Variants in NUFIP2 observed in about 807,000 individuals in gnomAD.
NUFIP2 encodes nuclear FMR1 interacting protein 2, also known as FMR1-interacting protein NUFIP2.
In NUFIP2, 6 loss-of-function variants were observed where a neutral mutation model predicts 56.9. That is an observed-to-expected ratio of 0.11 (90% CI 0.06 to 0.21). The LOEUF (loss-of-function observed/expected upper bound fraction) is 0.21. Ranked by LOEUF, NUFIP2 falls within the 10% of genes least tolerant of loss-of-function variation. The probability of loss-of-function intolerance (pLI) is 1.00; values close to 1 mark genes in which losing one functional copy is unlikely to be tolerated. For synonymous variants in NUFIP2, 321 were observed against 298.2 expected (o/e 1.08, Z -0.79); for missense variants, 828 against 826.8 (o/e 1.00, Z -0.02).
intron 2 of NUFIP2, among the ~76,000 whole-genome samples, chr17:29,272,751 C>T (rs2069082797): frequency 6.6e-6 from 1 of 151,690 alleles, no homozygotes; most frequent in Non-Finnish European, 1.5e-5. Context: ...CCTTTTTGAA[C>T]ATCATGTCAG....
intron 2 of NUFIP2, among the ~76,000 whole-genome samples, chr17:29,284,583 G>A (rs2069159990): frequency 6.6e-6 from 1 of 151,498 alleles, no homozygotes; most frequent in Non-Finnish European, 1.5e-5. Flanking sequence ...GTGGGCACCT[G>A]TAATCCCAGC....
chr17:29,289,344 G>A (rs1263026742), intron 1 of NUFIP2, among the ~76,000 whole-genome samples: 2 of 152,178 alleles, frequency 1.3e-5, no homozygotes, highest in Non-Finnish European at 2.9e-5. Context: ...TATAATCCCA[G>A]CACTTTGGGA....
intron 2 of NUFIP2, among the ~76,000 whole-genome samples, chr17:29,281,403 G>C (rs1429929864): frequency 6.6e-6 from 1 of 152,020 alleles, no homozygotes; most frequent in African/African-American, 2.4e-5. Context: ...GAGGCAGGAG[G>C]ATCACTTGAG....
In NUFIP2 at chr17:29,287,601, T is replaced by C; in HGVS notation, c.393A>G (p.Val131=). 6.2e-7 allele frequency: 1 copy of C among 1,614,184 alleles called. No individual in the cohort carries two copies. The highest frequency in any genetic ancestry group is 8.5e-7 in the Non-Finnish European group (1 of 1,180,044). ...SRVLNGNQQV[V]DTSLKQTVKA... Reference sequence around the variant, plus strand: ...TTACAGTCTGCTTCAGGCTAGTGTCTACAACTTGCTGGTTGCCATTGAGGA... The same window carrying C: ...TTACAGTCTGCTTCAGGCTAGTGTCCACAACTTGCTGGTTGCCATTGAGGA... The change falls in exon 2 of 4, where the codon GTA becomes GTG. Residue 131 remains valine (V), a synonymous_variant. Transcript: ENST00000225388.
chr17:29,285,442 T>C (rs1331384273), intron 2 of NUFIP2, among the ~76,000 whole-genome samples: 1 of 151,588 alleles, frequency 6.6e-6, no homozygotes, highest in Non-Finnish European at 1.5e-5. Flanking sequence ...AATACAAAAA[T>C]TAGCCGGGCA....
chr17:29,277,666 G>A (rs1476874531), intron 2 of NUFIP2, among the ~76,000 whole-genome samples: 1 of 152,056 alleles, frequency 6.6e-6, no homozygotes, highest in East Asian at 1.9e-4. Context: ...AAAGAAGCTT[G>A]TCAGAAATTT....
chr17:29,286,852 G>A lies in NUFIP2; in HGVS notation c.1142C>T (p.Ser381Leu). 6 of 1,614,114 alleles carry A rather than the reference G, an allele frequency of 3.7e-6. No homozygotes were observed. Among genetic ancestry groups the A allele is most frequent in the Non-Finnish European group, 4.2e-6 (5 of 1,180,022 alleles). Residue 381 changes from serine (S) to leucine (L), a missense_variant, in exon 2 of 4, where the codon TCA becomes TTA. By Grantham distance (145) the Ser-to-Leu change is moderately radical. This residue lies in a region of NUFIP2 where 404 missense variants were observed against 380.3 expected (regional missense o/e 1.06). Coordinates refer to ENST00000225388, the MANE Select transcript of NUFIP2 (RefSeq NM_020772.3). ...TTCCCCGGTAGATGATGAAGATGAT[G>A]AAGATGAAGTTGGTGACACAGAAGA... ...QNSSVSPTSS[S>L]SSSSSTGETQ...
At chr17:29,284,654 C>A (rs1026794949) in intron 2 of NUFIP2, among the ~76,000 whole-genome samples, 1 of 116,468 alleles carries the variant, frequency 8.6e-6, no homozygotes, top group Non-Finnish European at 1.6e-5. Context: ...TGCAGTGAGT[C>A]AAGATTGCGC....
chr17:29,292,016 T>C (rs1316978435), intron 1 of NUFIP2, among the ~76,000 whole-genome samples: 1 of 152,244 alleles, frequency 6.6e-6, no homozygotes, highest in Non-Finnish European at 1.5e-5. Context: ...TTCTTACGCT[T>C]CATTTCTCTT....
chr17:29,275,138 C>T (rs1408810154), intron 2 of NUFIP2, among the ~76,000 whole-genome samples: 1 of 151,330 alleles, frequency 6.6e-6, no homozygotes, highest in Non-Finnish European at 1.5e-5. Context: ...CCTGCCTCAG[C>T]CCCCCCCAAG....
rs918757750 is a variant in NUFIP2 at position 29,286,530 on chromosome 17, C to T, written c.1464G>A (p.Val488=). 3 of 1,614,012 alleles carry T rather than the reference C, an allele frequency of 1.9e-6. No individual in the cohort carries two copies. The highest frequency in any genetic ancestry group is 2.2e-5 in the East Asian group (1 of 44,894). The change falls in exon 2 of 4, where the codon GTG becomes GTA. Residue 488 remains valine, a synonymous_variant. Coordinates refer to ENST00000225388, the MANE Select transcript of NUFIP2 (RefSeq NM_020772.3). ...GCTGATCTGTCTGAGAGGGCAGATC[C>T]ACTTGTGCTGTGCTCAACAGCATAG... ...MQTMLLSTAQ[V]DLPSQTDQQN...
intron 1 of NUFIP2, among the ~76,000 whole-genome samples, chr17:29,290,192 T>G (rs1160942761): frequency 6.6e-6 from 1 of 152,106 alleles, no homozygotes; most frequent in Non-Finnish European, 1.5e-5. Flanking sequence ...CCTCTTAGAT[T>G]TCTTAGAACT....
rs190307204 is a variant in NUFIP2, at chr17:29,280,706, C to A, written c.2002+5286G>T. ...GTCTCTTAAAAAAGAGCCATCACAG[C>A]CAGGTGTGGTGGCTCATGCCTGTAA... On this transcript the variant is annotated intron_variant, in intron 2 of 3. Coordinates refer to ENST00000225388, the MANE Select transcript of NUFIP2 (RefSeq NM_020772.3). 4.0e-3 allele frequency among the ~76,000 whole-genome samples: 613 copies of A among 152,194 alleles called. 4 individuals are homozygous for A. The highest frequency in any genetic ancestry group is 0.014 in the African/African-American group (582 of 41,530).
chr17:29,267,315 C>A (rs708101), intron 3 of NUFIP2, among the ~76,000 whole-genome samples, 183 bp downstream of exon 3: 133,980 of 151,958 alleles, frequency 0.88, 59,164 homozygotes, highest in South Asian at 0.93. Context: ...TGGCCTCCCA[C>A]AGTGTTGGGA....
At chr17:29,293,411 T>TG (rs1235019868) in intron 1 of NUFIP2, among the ~76,000 whole-genome samples, 2 of 151,950 alleles carry the variant, frequency 1.3e-5, no homozygotes, top group South Asian at 2.1e-4. Flanking sequence ...AGGGATTTTT[T>TG]GGGGGGGTAG....
At chr17:29,279,357 T>TA (rs1240151599) in intron 2 of NUFIP2, among the ~76,000 whole-genome samples, 1 of 151,878 alleles carries the variant, frequency 6.6e-6, no homozygotes, top group Non-Finnish European at 1.5e-5. Flanking sequence ...AAATTTTTTT[T>TA]AAAATTCAGA....
chr17:29,293,676 C>G lies in NUFIP2; in HGVS notation c.277+107G>C, dbSNP rs551938858. The G allele has an allele frequency of 7.3e-4, 910 of 1,242,934 alleles. 2 individuals carry two copies. The highest frequency in any genetic ancestry group is 1.7e-3 in the South Asian group (102 of 61,344). The allele number at this position is 1,242,934 out of a possible 1,614,324, so 77.0% of individuals were successfully genotyped here. The stretch of plus-strand genomic sequence containing the variant: ...CATCCCCAGAGCCGGAGGGGACACA[C>G]ACACACACACCCCGACCCCGTCCGC... On this transcript the variant is annotated intron_variant, in intron 1 of 3. Coordinates refer to ENST00000225388, the MANE Select transcript of NUFIP2 (RefSeq NM_020772.3).
Position 29,294,046 on chromosome 17 carries a change from G to A in NUFIP2, c.14C>T (p.Pro5Leu). The A allele has an allele frequency of 6.2e-7, 1 of 1,601,476 alleles. No homozygotes were observed. The highest frequency in any genetic ancestry group is 8.5e-7 in the Non-Finnish European group (1 of 1,171,792). The change falls in exon 1 of 4, where the codon CCC (proline) becomes CTC (leucine). Residue 5 changes from proline (P) to leucine (L), a missense_variant. Pro to Leu is a moderately conservative substitution (Grantham distance 98). Coordinates refer to ENST00000225388, the MANE Select transcript of NUFIP2 (RefSeq NM_020772.3). MEEK[P>L]GQPQPQHHHS... The stretch of plus-strand genomic sequence containing the variant: ...ATGGTGCTGAGGCTGTGGCTGGCCG[G>A]GCTTCTCCTCCATTGAAAGCGGCTG...
chr17:29,275,045 A>G (rs199777151), intron 2 of NUFIP2, among the ~76,000 whole-genome samples: 1 of 115,926 alleles, frequency 8.6e-6, no homozygotes, highest in South Asian at 3.0e-4. Flanking sequence ...TTTTTTTGAG[A>G]AGGAGTTTCA....
Sources: gnomAD v4.1 joint callset for allele counts (sites outside exome capture counted in the v4.1 genomes callset) on GRCh38, gnomAD v4.1.1 for gene constraint, gnomAD v4.1.1 regional missense constraint, MANE v1.5 for transcripts, NCBI Gene and HGNC (gene_info 2026-07-23, HGNC 2026-07-21) for gene names.